Variants in RRN3 observed in about 807,000 individuals in gnomAD.
The protein encoded by RRN3 is RNA polymerase I transcription factor RRN3, also known as RNA polymerase I-specific transcription initiation factor RRN3.
In RRN3, 38 loss-of-function variants were observed where a neutral mutation model predicts 82.3. That is an observed-to-expected ratio of 0.46 (90% CI 0.36 to 0.61). RRN3 has a LOEUF of 0.61. Ranked by LOEUF, RRN3 falls within the 20% of genes least tolerant of loss-of-function variation. The pLI is 0.00. For synonymous variants in RRN3, 284 were observed against 284.3 expected (o/e 1.00, Z 0.01); for missense variants, 726 against 793.1 (o/e 0.92, Z 1.02).
At chr16:15,067,807 G>T (rs1248815595) in intron 15 of RRN3, among the ~76,000 whole-genome samples, 5 of 152,164 alleles carry the variant, frequency 3.3e-5, no homozygotes, top group Non-Finnish European at 1.5e-5. Context: ...GCCCAGACTG[G>T]AGTGCAGTGG....
In RRN3 at chr16:15,061,878, A is replaced by G. The variant is rs146405326; in HGVS notation, c.1822T>C (p.Phe608Leu). 6.2e-7 allele frequency: 1 copy of G among 1,613,084 alleles called. No individual in the cohort carries two copies. The highest frequency in any genetic ancestry group is 1.3e-5 in the African/African-American group (1 of 74,936). Residue 608 changes from phenylalanine to leucine, a missense_variant, in exon 18 of 18, where the codon TTT becomes CTT. Coordinates refer to ENST00000198767, the MANE Select transcript of RRN3 (RefSeq NM_018427.5). ...KDIVEDEDDDFLKGEVPQNDT... is the reference protein window; with the variant it reads ...KDIVEDEDDDLLKGEVPQNDT... The stretch of plus-strand genomic sequence containing the variant: ...TTCTGGGGCACTTCGCCTTTCAGAA[A>G]GTCATCATCTTCATCTTCCACTATG...
chr16:15,079,587 GTTTCT>G lies in RRN3; in HGVS notation c.765+406_765+410del, dbSNP rs1230620202. ...AAGGAAGCAAAGAATGGTGCTAGTG[GTTTCT>G]TTTCTTTTTTTTTTTTTTGAGATGG... On this transcript the variant is annotated intron_variant, in intron 9 of 17. Coordinates refer to ENST00000198767, the MANE Select transcript of RRN3 (RefSeq NM_018427.5). Among the ~76,000 whole-genome samples, 4 of 129,768 alleles carry G rather than the reference GTTTCT, an allele frequency of 3.1e-5. No homozygotes were observed. The South Asian group carries it at 8.1e-4, about 26-fold the overall frequency. The allele number at this position is 129,768 out of a possible 152,430, so 85.1% of individuals were successfully genotyped here.
chr16:15,080,778 C>A (rs1465710726), intron 8 of RRN3, among the ~76,000 whole-genome samples: 3 of 151,868 alleles, frequency 2.0e-5, no homozygotes, highest in African/African-American at 7.3e-5. Context: ...CATTAGTGCA[C>A]CCCTAAAAAA....
intron 14 of RRN3, among the ~76,000 whole-genome samples, chr16:15,068,517 G>A (rs929894665): frequency 5.3e-5 from 8 of 152,214 alleles, no homozygotes; most frequent in African/African-American, 1.9e-4. Context: ...TTAGGAAGTA[G>A]CAGGCTGTAA....
chr16:15,066,852 A>G (rs2045000890), intron 15 of RRN3, among the ~76,000 whole-genome samples: 2 of 151,882 alleles, frequency 1.3e-5, no homozygotes, highest in African/African-American at 4.8e-5. Context: ...TTTTATTTCA[A>G]TCCCCTGCTC....
intron 2 of RRN3, among the ~76,000 whole-genome samples, chr16:15,092,018 A>G (rs1406978781): frequency 3.3e-5 from 5 of 152,076 alleles, no homozygotes; most frequent in African/African-American, 7.2e-5. Context: ...CTCTACTAAA[A>G]AAATAAAAAA....
intron 5 of RRN3, among the ~76,000 whole-genome samples, 174 bp downstream of exon 5, chr16:15,085,955 C>T (rs552066038): frequency 5.9e-5 from 9 of 152,140 alleles, no homozygotes; most frequent in Non-Finnish European, 1.0e-4. Context: ...CTCACAGCAA[C>T]AAATGAATCT....
intron 9 of RRN3, among the ~76,000 whole-genome samples, chr16:15,078,998 G>A (rs550400773): frequency 1.3e-5 from 2 of 152,032 alleles, no homozygotes; most frequent in Admixed American, 6.5e-5. Flanking sequence ...TTTTTAGTGA[G>A]ACAGAGTTTC....
chr16:15,076,679 A>G (rs776156511), intron 9 of RRN3, 29 bp from the exon 10 acceptor site: 2 of 1,441,670 alleles, frequency 1.4e-6, no homozygotes, highest in Non-Finnish European at 2.0e-6. Context: ...AAAAAAGAAT[A>G]AAAGGATTTA....
At chr16:15,083,302 G>A (rs928674463) in intron 8 of RRN3, among the ~76,000 whole-genome samples, 11 of 152,118 alleles carry the variant, frequency 7.2e-5, no homozygotes, top group Admixed American at 4.6e-4. Flanking sequence ...GGGAGGCTGA[G>A]GCAGGAGAAT....
At chr16:15,068,122 T>C in intron 15 of RRN3, 47 bp downstream of exon 15, 1 of 1,491,094 alleles carries the variant, frequency 6.7e-7, no homozygotes, top group Non-Finnish European at 9.1e-7. Context: ...TAAACATAAA[T>C]AAAAATATTT....
chr16:15,062,135 C>T (rs552387427), intron 17 of RRN3, among the ~76,000 whole-genome samples: 6 of 152,170 alleles, frequency 3.9e-5, no homozygotes, highest in African/African-American at 1.2e-4. Flanking sequence ...GGCAACATAG[C>T]GAGACCATGT....
chr16:15,068,177 T>C lies in RRN3; in HGVS notation c.1545A>G (p.Ala515=). 8.2e-6 allele frequency: 13 copies of C among 1,578,748 alleles called. No individual in the cohort carries two copies. Among genetic ancestry groups the C allele is most frequent in the Non-Finnish European group, 1.1e-5 (13 of 1,160,978 alleles). ...AAGCGTAAATAACTTACTTTGTGATTGCAGCAAAAAAGTTAACCACTGAGG... is the reference window on the plus strand; with the variant it reads ...AAGCGTAAATAACTTACTTTGTGATCGCAGCAAAAAAGTTAACCACTGAGG... ...CLPSVVNFFA[A]ITNKYQLVFC... The change falls in exon 15 of 18, where the codon GCA becomes GCG. Residue 515 remains alanine, a synonymous_variant. Coordinates refer to ENST00000198767, the MANE Select transcript of RRN3 (RefSeq NM_018427.5).
At chr16:15,075,527 C>T (rs1186002418) in intron 10 of RRN3, among the ~76,000 whole-genome samples, 1 of 151,736 alleles carries the variant, frequency 6.6e-6, no homozygotes, top group Non-Finnish European at 1.5e-5. Flanking sequence ...GCCAAGATCA[C>T]ACACTGCCAC....
chr16:15,094,063 C>T (rs2046250722), intron 1 of RRN3, 82 bp downstream of exon 1: 1 of 1,271,162 alleles, frequency 7.9e-7, no homozygotes, highest in Non-Finnish European at 1.1e-6. Context: ...GAGCTTTGTC[C>T]CACATCCTTT....
At chr16:15,088,683 T>C (rs1215019947) in intron 3 of RRN3, among the ~76,000 whole-genome samples, 4 of 152,114 alleles carry the variant, frequency 2.6e-5, no homozygotes, top group African/African-American at 9.7e-5. Flanking sequence ...GAGTCTTTTC[T>C]GGAAGTTCTG....
intron 3 of RRN3, among the ~76,000 whole-genome samples, chr16:15,086,783 C>A (rs1465055561): frequency 6.6e-6 from 1 of 152,142 alleles, no homozygotes; most frequent in African/African-American, 2.4e-5. Context: ...TTCTAGCAGA[C>A]TGAAATATTA....
intron 8 of RRN3, among the ~76,000 whole-genome samples, chr16:15,081,954 G>C (rs559125832): frequency 6.6e-6 from 1 of 152,276 alleles, no homozygotes; most frequent in Admixed American, 6.5e-5. Context: ...GTTAGTGTAT[G>C]TTAGTCTTCT....
At chr16:15,062,172 G>A (rs1271228255) in intron 17 of RRN3, among the ~76,000 whole-genome samples, 1 of 152,084 alleles carries the variant, frequency 6.6e-6, no homozygotes, top group Non-Finnish European at 1.5e-5. Context: ...CAGAACAAAA[G>A]CTCCCTCTGA....
Sources: allele counts gnomAD v4.1 joint callset (sites outside exome capture counted in the v4.1 genomes callset), GRCh38; gene constraint gnomAD v4.1.1; transcripts MANE v1.5; gene names NCBI Gene and HGNC (gene_info 2026-07-23, HGNC 2026-07-21).